PRPF40B: variants seen among roughly 807,000 people sequenced by gnomAD.
PRPF40B encodes the protein pre-mRNA-processing factor 40 homolog B.
In PRPF40B, 56 loss-of-function variants were observed where a neutral mutation model predicts 124.5. The ratio of observed to expected loss-of-function variants is 0.45; its 90% CI spans 0.36 to 0.56. The LOEUF (loss-of-function observed/expected upper bound fraction) is 0.56. Ranked by LOEUF, PRPF40B falls within the 20% of genes least tolerant of loss-of-function variation. The pLI is 0.00. For missense variants in PRPF40B, 1,053 were observed against 1,169.5 expected (o/e 0.90, Z 1.45); for synonymous variants, 443 against 426.4 (o/e 1.04, Z -0.48).
At chr12:49,632,764 A>G (rs572723225) in intron 5 of PRPF40B, 91 bp from the exon 6 acceptor site, 1 of 1,602,718 alleles carries the variant, frequency 6.2e-7, no homozygotes, top group East Asian at 2.2e-5. Context: ...CCAGGGGACT[A>G]TTTACTGGGG....
rs377154240 is a variant in PRPF40B at position 49,642,421 on chromosome 12, G to C, written c.2022+49G>C. 27 of 1,603,372 alleles carry C rather than the reference G, an allele frequency of 1.7e-5. No individual in the cohort carries two copies. The Admixed American group carries it at 4.2e-4, about 25-fold the overall frequency. ...AGCACCCCTCAAGCCTGAGGGCAGC[G>C]GTGCTTCACCACTGAGGGCCCACCC... On this transcript the variant is annotated intron_variant, in intron 20 of 25. Transcript: ENST00000548825. This position sits in a 1 kb window ranked among gnomAD's most constrained non-coding sequence, Gnocchi z 5.8.
chr12:49,633,174 C>G lies in PRPF40B; in HGVS notation c.459+50C>G, dbSNP rs372946298. On this transcript the variant is annotated intron_variant, in intron 7 of 25. Coordinates refer to ENST00000548825, the MANE Select transcript of PRPF40B (RefSeq NM_001031698.3). ...TTCCTTTCAGCTGCCCTGACCCTTC[C>G]AAGTCCTTGGCCTTCCCTTAGTCTC... is the stretch of plus-strand genomic sequence containing the variant. 40 of 1,485,342 alleles carry G rather than the reference C, an allele frequency of 2.7e-5. No homozygotes were observed. In the African/African-American group the frequency reaches 3.3e-4, roughly 12 times the overall value. 92.0% of individuals were successfully genotyped at this position (1,485,342 alleles called of 1,614,324 possible).
rs1942863006 is a variant in PRPF40B at position 49,642,899 on chromosome 12, G to A, written c.2119-31G>A. ...CCTTCCTGGGGCTAAGTCTGGTGCTGTCCTCACCCTTCTTCCTCTGCCTCT... is the reference window on the plus strand; with the variant it reads ...CCTTCCTGGGGCTAAGTCTGGTGCTATCCTCACCCTTCTTCCTCTGCCTCT... On this transcript the variant is annotated intron_variant, in intron 21 of 25. Coordinates refer to ENST00000548825, the MANE Select transcript of PRPF40B (RefSeq NM_001031698.3). The surrounding 1 kb of genome is among the most constrained non-coding windows in gnomAD (Gnocchi z 5.8). 2 of 1,598,592 alleles carry A rather than the reference G, an allele frequency of 1.3e-6. No individual in the cohort carries two copies. Among genetic ancestry groups the A allele is most frequent in the East Asian group, 4.5e-5 (2 of 44,346 alleles).
Position 49,643,730 on chromosome 12 carries a change from C to G in PRPF40B, c.2420C>G (p.Thr807Ser). The G allele has an allele frequency of 4.3e-6, 7 of 1,614,136 alleles. No individual in the cohort carries two copies. The highest frequency in any genetic ancestry group is 5.9e-6 in the Non-Finnish European group (7 of 1,180,004). The change falls in exon 24 of 26, where the codon ACT (threonine) becomes AGT (serine). Residue 807 changes from threonine (T) to serine (S), a missense_variant. Thr to Ser is a moderately conservative substitution (Grantham distance 58). This residue lies in a region of PRPF40B where 895 missense variants were observed against 1,052.2 expected (regional missense o/e 0.85). Coordinates refer to ENST00000548825, the MANE Select transcript of PRPF40B (RefSeq NM_001031698.3). ...AAAGCCAAGAAACCAAAAAAGAAAACTAAGAAGAGAAGACACAAGTCGGTG... is the reference window on the plus strand; with the variant it reads ...AAAGCCAAGAAACCAAAAAAGAAAAGTAAGAAGAGAAGACACAAGTCGGTG... ...LRKAKKPKKK[T>S]KKRRHKSNSP... is the part of the protein sequence containing the mutation.
chr12:49,632,579 T>TC lies in PRPF40B; in HGVS notation c.295-15dup. The TC allele has an allele frequency of 2.5e-6, 4 of 1,613,330 alleles. No homozygotes were observed. The highest frequency in any genetic ancestry group is 3.4e-6 in the Non-Finnish European group (4 of 1,179,796). Reference sequence around the variant, plus strand: ...TGGGCTTGGCCCCAACCCTTCCCCCTCCTCTTTCTTCGGCAGACGGCTCCG... The same window carrying TC: ...TGGGCTTGGCCCCAACCCTTCCCCCTCCCTCTTTCTTCGGCAGACGGCTCCG... On this transcript the variant is annotated splice_polypyrimidine_tract_variant and intron_variant, in intron 4 of 25. Transcript: ENST00000548825.
chr12:49,636,541 C>CT, intron 15 of PRPF40B, 175 bp from the exon 16 acceptor site: 2 of 668,148 alleles, frequency 3.0e-6, no homozygotes, highest in Non-Finnish European at 5.1e-6. Context: ...ATGATCCCCT[C>CT]TTAAGAACTA....
chr12:49,637,901 C>A, intron 18 of PRPF40B, 77 bp downstream of exon 18: 1 of 1,240,638 alleles, frequency 8.1e-7, no homozygotes, highest in Middle Eastern at 1.9e-4. Context: ...CCTGATAAGT[C>A]CTGTTTTGCA....
chr12:49,634,208 C>A, intron 10 of PRPF40B, 116 bp downstream of exon 10: 1 of 1,581,288 alleles, frequency 6.3e-7, no homozygotes, highest in Non-Finnish European at 8.6e-7. Flanking sequence ...TGGGTGTGAC[C>A]TCTGAAGGGC....
Position 49,635,886 on chromosome 12 carries a change from A to G in PRPF40B, c.1319A>G (p.Lys440Arg). 6.2e-7 allele frequency: 1 copy of G among 1,614,070 alleles called. No individual in the cohort carries two copies. Among genetic ancestry groups the G allele is most frequent in the Non-Finnish European group, 8.5e-7 (1 of 1,179,970 alleles). ...QLRRRNIQAL[K>R]SILDGMSSVN... Reference sequence around the variant, plus strand: ...CGGCGCCGCAATATCCAGGCCCTAAAGAGCATCCTGGATGGGATGAGTAGT... The same window carrying G: ...CGGCGCCGCAATATCCAGGCCCTAAGGAGCATCCTGGATGGGATGAGTAGT... The change falls in exon 15 of 26, where the codon AAG becomes AGG. Residue 440 changes from lysine to arginine, a missense_variant. Lys to Arg is a conservative substitution (Grantham distance 26). Around this residue, in one of 2 missense-constraint regions of PRPF40B, gnomAD observed 895 missense variants for 1,052.2 expected, o/e 0.85. Transcript: ENST00000548825. The surrounding 1 kb of genome is among the most constrained non-coding windows in gnomAD (Gnocchi z 4.1).
In PRPF40B at chr12:49,642,180, GGACCTGGCATCCACCCTCC is replaced by G. The variant is rs1279823892; in HGVS notation, c.1885-54_1885-36del. The G allele has an allele frequency of 1.4e-5, 22 of 1,613,334 alleles. No homozygotes were observed. The South Asian group carries it at 1.8e-4, about 13-fold the overall frequency. On this transcript the variant is annotated intron_variant, in intron 19 of 25. Transcript: ENST00000548825. The surrounding 1 kb of genome is among the most constrained non-coding windows in gnomAD (Gnocchi z 5.8). Reference sequence around the variant, plus strand: ...CCACCTCCTAAGGTATGCCTGAGTGGGACCTGGCATCCACCCTCCTGGGTGACCCTGTTCCGTGTCCCTT... The same window carrying G: ...CCACCTCCTAAGGTATGCCTGAGTGGTGGGTGACCCTGTTCCGTGTCCCTT...
chr12:49,644,072 A>G, intron 25 of PRPF40B, 28 bp from the exon 26 acceptor site: 1 of 1,614,204 alleles, frequency 6.2e-7, no homozygotes, highest in South Asian at 1.1e-5. Flanking sequence ...GTGCAGGCTA[A>G]GGGTGAACTG....
At chr12:49,636,597 C>T in intron 15 of PRPF40B, 119 bp from the exon 16 acceptor site, 2 of 1,436,058 alleles carry the variant, frequency 1.4e-6, no homozygotes. Flanking sequence ...GGCCCTTCCC[C>T]CACCACCCTG....
rs1941682364 is a variant in PRPF40B, at chr12:49,635,465, A to G, written c.1267A>G (p.Lys423Glu). 3.1e-6 allele frequency: 5 copies of G among 1,613,300 alleles called. No individual in the cohort carries two copies. Among genetic ancestry groups the G allele is most frequent in the Non-Finnish European group, 4.2e-6 (5 of 1,179,678 alleles). The part of the protein sequence containing the change: ...YDDVLFFLAK[K>E]EKEQAKQLRR... ...TGATGTCCTCTTCTTCCTGGCCAAGAAGGAGAAGGTAATGGTCCCTGGGCA... is the reference window on the plus strand; with the variant it reads ...TGATGTCCTCTTCTTCCTGGCCAAGGAGGAGAAGGTAATGGTCCCTGGGCA... Residue 423 changes from lysine (K) to glutamate (E), a missense_variant, in exon 14 of 26, where the codon AAG becomes GAG. Around this residue, in one of 2 missense-constraint regions of PRPF40B, gnomAD observed 895 missense variants for 1,052.2 expected, o/e 0.85. Transcript: ENST00000548825. This position sits in a 1 kb window ranked among gnomAD's most constrained non-coding sequence, Gnocchi z 4.1.
rs962349607 is a variant in PRPF40B at position 49,641,689 on chromosome 12, C to T, written c.1768-219C>T. The stretch of plus-strand genomic sequence containing the variant: ...AGCAGTTGGGAGACATCTCCCAACC[C>T]CTTCAGCTCTGTGTGACATCCAAAC... On this transcript the variant is annotated intron_variant, in intron 18 of 25. Transcript: ENST00000548825. The T allele has an allele frequency of 2.9e-5, 16 of 544,826 alleles. No homozygotes were observed. In the South Asian group the frequency reaches 4.2e-4, roughly 14 times the overall value. The allele number at this position is 544,826 out of a possible 1,614,324, so 33.7% of individuals were successfully genotyped here.
Position 49,631,275 on chromosome 12 carries a change from G to T in PRPF40B, c.85-126G>T. 1 of 621,306 alleles carries T rather than the reference G, an allele frequency of 1.6e-6. No individual in the cohort carries two copies. Among genetic ancestry groups the T allele is most frequent in the Non-Finnish European group, 2.7e-6 (1 of 371,746 alleles). The allele number at this position is 621,306 out of a possible 1,614,324, so 38.5% of individuals were successfully genotyped here. A position where few individuals can be genotyped will look rare whatever the true frequency, so the allele number is the denominator to read the frequency against. On this transcript the variant is annotated intron_variant, in intron 2 of 25. Transcript: ENST00000548825. The surrounding 1 kb of genome is among the most constrained non-coding windows in gnomAD (Gnocchi z 4.3). ...CTTGTGCTTCTCAAACTAAAGCCTT[G>T]GAATTGCCTCAGAGCAGGGTGGAGG...
Position 49,632,892 on chromosome 12 carries a change from C to T in PRPF40B, c.348+12C>T. 1 of 1,613,704 alleles carries T rather than the reference C, an allele frequency of 6.2e-7. No individual in the cohort carries two copies. ...GGACAGGCCCTCCGGTGAGTTCTTC[C>T]AGCTCAGGGGTCTCTGGGTAGAAAG... On this transcript the variant is annotated intron_variant, in intron 6 of 25. Transcript: ENST00000548825.
chr12:49,634,614 C>T lies in PRPF40B; in HGVS notation c.1001+12C>T. ...GACCCCCGTTACAGGTAGGCCTGGG[C>T]AGAGGGAGCCAGGCCCTGTTCATGA... On this transcript the variant is annotated intron_variant, in intron 12 of 25. Coordinates refer to ENST00000548825, the MANE Select transcript of PRPF40B (RefSeq NM_001031698.3). 3 of 1,614,006 alleles carry T rather than the reference C, an allele frequency of 1.9e-6. No individual in the cohort carries two copies. The highest frequency in any genetic ancestry group is 2.5e-6 in the Non-Finnish European group (3 of 1,179,926).
At chr12:49,643,576 G>A (rs1942953876) in intron 23 of PRPF40B, 115 bp from the exon 24 acceptor site, 7 of 1,379,892 alleles carry the variant, frequency 5.1e-6, no homozygotes, top group Non-Finnish European at 3.9e-6. Flanking sequence ...ACTGGACTTA[G>A]ACTTCCTCAG....
intron 1 of PRPF40B, chr12:49,624,183 C>A (rs1375447560): frequency 1.0e-6 from 1 of 984,180 alleles, no homozygotes. Flanking sequence ...AAGTCACTAC[C>A]TTTCTTTGGG....
Sources: gnomAD v4.1 joint callset for allele counts on GRCh38, gnomAD v4.1.1 for gene constraint, gnomAD v4.1.1 regional missense constraint, Gnocchi (gnomAD v3.1) non-coding constraint, MANE v1.5 for transcripts, NCBI Gene and HGNC (gene_info 2026-07-23, HGNC 2026-07-21) for gene names.